Variants in SWT1 observed in about 807,000 individuals in gnomAD.
SWT1 encodes the protein transcriptional protein SWT1.
A neutral mutation model predicts 107.3 loss-of-function variants in SWT1; 33 were observed. That is an observed-to-expected ratio of 0.31 (90% CI 0.23 to 0.41). SWT1 has a LOEUF of 0.41. Ranked by LOEUF, SWT1 falls within the 10% of genes least tolerant of loss-of-function variation. SWT1 has a pLI of 1.00. For missense variants in SWT1, 898 were observed against 1,028.9 expected (o/e 0.87, Z 1.74); for synonymous variants, 345 against 348.3 (o/e 0.99, Z 0.11).
At chr1:185,278,440 G>T (rs1664395346) in intron 18 of SWT1, among the ~76,000 whole-genome samples, 1 of 152,140 alleles carries the variant, frequency 6.6e-6, no homozygotes, top group Admixed American at 6.5e-5. Flanking sequence ...AATTTATCTT[G>T]TTTGTAAGCT....
chr1:185,262,723 C>T (rs960198480), intron 16 of SWT1, among the ~76,000 whole-genome samples: 10 of 152,118 alleles, frequency 6.6e-5, no homozygotes, highest in Admixed American at 6.5e-4. Context: ...GCTTGGCTGA[C>T]TCTTCATGTG....
At chr1:185,260,053 A>G (rs1207576310) in intron 16 of SWT1, among the ~76,000 whole-genome samples, 2 of 152,184 alleles carry the variant, frequency 1.3e-5, no homozygotes, top group African/African-American at 4.8e-5. Context: ...CTCACAAAGC[A>G]TACTTGTTAT....
rs553898391 is a variant in SWT1 at position 185,203,394 on chromosome 1, C to T, written c.1669+595C>T. 3.9e-5 allele frequency among the ~76,000 whole-genome samples: 6 copies of T among 152,116 alleles called. No individual in the cohort carries two copies. The South Asian group carries it at 6.2e-4, about 16-fold the overall frequency. ...ATCCCAGCACTTTGGGAGGCCGAGG[C>T]GGGTGGATCACCTGAGGAGTTCGAG... is the stretch of plus-strand genomic sequence containing the variant. On this transcript the variant is annotated intron_variant, in intron 11 of 18. Transcript: ENST00000367500.
intron 14 of SWT1, among the ~76,000 whole-genome samples, chr1:185,220,180 A>G (rs1461027587): frequency 7.4e-6 from 1 of 135,168 alleles, no homozygotes; most frequent in African/African-American, 2.7e-5. Flanking sequence ...ATTTCTAACC[A>G]TTGTTTTCAT....
chr1:185,191,274 A>G (rs1192013705), intron 10 of SWT1, among the ~76,000 whole-genome samples: 2 of 152,034 alleles, frequency 1.3e-5, no homozygotes, highest in African/African-American at 4.8e-5. Context: ...CTCCCTACTA[A>G]TATTTCCATA....
chr1:185,238,824 CA>C (rs1158882732), intron 16 of SWT1, among the ~76,000 whole-genome samples: 2 of 151,596 alleles, frequency 1.3e-5, no homozygotes, highest in African/African-American at 4.8e-5. Context: ...TTTCAAGAAA[CA>C]AAATCATGTT....
chr1:185,227,293 C>T (rs534715366), intron 15 of SWT1: 54 of 746,998 alleles, frequency 7.2e-5, no homozygotes, highest in East Asian at 5.7e-4. Context: ...GGCTGACCAT[C>T]GGTGCTCTCC....
intron 18 of SWT1, chr1:185,281,000 T>A (rs1664583435): frequency 2.7e-6 from 1 of 364,246 alleles, no homozygotes; most frequent in Non-Finnish European, 5.5e-6. Flanking sequence ...GTCCAAGAGT[T>A]TTCAGTCCCT....
chr1:185,267,424 T>G (rs1663485431), intron 16 of SWT1, among the ~76,000 whole-genome samples: 1 of 152,194 alleles, frequency 6.6e-6, no homozygotes, highest in African/African-American at 2.4e-5. Context: ...AGGGTCAGAC[T>G]TAAGTGTTCA....
At chr1:185,174,304 A>G in intron 4 of SWT1, 68 bp from the exon 5 acceptor site, 1 of 1,270,664 alleles carries the variant, frequency 7.9e-7, no homozygotes, top group Non-Finnish European at 1.0e-6. Flanking sequence ...TGTTATTCTA[A>G]CTAAAATGAT....
At chr1:185,285,160 C>T (rs544669526) in intron 18 of SWT1, among the ~76,000 whole-genome samples, 4 of 152,250 alleles carry the variant, frequency 2.6e-5, no homozygotes, top group African/African-American at 9.6e-5. Flanking sequence ...TCTTCCTCCC[C>T]GTGGGCCCCT....
intron 17 of SWT1, among the ~76,000 whole-genome samples, chr1:185,275,083 C>G (rs1218033709): frequency 6.6e-6 from 1 of 152,092 alleles, no homozygotes; most frequent in Non-Finnish European, 1.5e-5. Context: ...AAAAAAAGAT[C>G]TATTAAAAGC....
chr1:185,225,700 C>T (rs1659995695), intron 15 of SWT1, among the ~76,000 whole-genome samples: 1 of 152,174 alleles, frequency 6.6e-6, no homozygotes, highest in Non-Finnish European at 1.5e-5. Flanking sequence ...TCTAGTAAGT[C>T]ATACCATCTA....
At chr1:185,257,599 T>C (rs1371652899) in intron 16 of SWT1, among the ~76,000 whole-genome samples, 2 of 152,264 alleles carry the variant, frequency 1.3e-5, no homozygotes, top group Non-Finnish European at 2.9e-5. Flanking sequence ...CCTGACCCCT[T>C]GCGCTTCCCA....
chr1:185,221,819 C>G, intron 14 of SWT1, 30 bp from the exon 15 acceptor site: 1 of 1,458,550 alleles, frequency 6.9e-7, no homozygotes, highest in Non-Finnish European at 9.2e-7. Flanking sequence ...GAAGAACTAG[C>G]TGCATTTTAT....
intron 17 of SWT1, among the ~76,000 whole-genome samples, 198 bp from the exon 18 acceptor site, chr1:185,276,406 T>C (rs1378596241): frequency 6.6e-6 from 1 of 152,132 alleles, no homozygotes; most frequent in Non-Finnish European, 1.5e-5. Context: ...GATTAAGATA[T>C]AATAGTGGGA....
Position 185,202,783 on chromosome 1 carries a change from G to A in SWT1, c.1653G>A (p.Lys551=). The change falls in exon 11 of 19, where the codon AAG becomes AAA. Residue 551 remains lysine (K), a synonymous_variant. Coordinates refer to ENST00000367500, the MANE Select transcript of SWT1 (RefSeq NM_017673.7). ...TDVCHQPCIP[K]QQLKAETTPL... ...TGTGTCATCAGCCTTGTATTCCTAA[G>A]CAACAGTTGAAAGCAGGTAGTATTT... The A allele has an allele frequency of 6.5e-7, 1 of 1,547,796 alleles. No individual in the cohort carries two copies. The highest frequency in any genetic ancestry group is 1.3e-5 in the South Asian group (1 of 76,980).
chr1:185,276,283 T>G (rs1664234899), intron 17 of SWT1, among the ~76,000 whole-genome samples: 1 of 152,190 alleles, frequency 6.6e-6, no homozygotes, highest in South Asian at 2.1e-4. Context: ...TAAATCAAAC[T>G]TTTTCCTAAA....
intron 16 of SWT1, among the ~76,000 whole-genome samples, chr1:185,260,627 A>G (rs1268695431): frequency 2.0e-5 from 3 of 152,136 alleles, no homozygotes; most frequent in Non-Finnish European, 4.4e-5. Flanking sequence ...ATAGTAGGCT[A>G]AGGAGTGACT....
Sources: gnomAD v4.1 joint callset for allele counts (sites outside exome capture counted in the v4.1 genomes callset) on GRCh38, gnomAD v4.1.1 for gene constraint, MANE v1.5 for transcripts, NCBI Gene and HGNC (gene_info 2026-07-23, HGNC 2026-07-21) for gene names.